The following SOX5 variants were observed in gnomAD, a reference collection of about 807,000 sequenced individuals.
SOX5 encodes SRY-box transcription factor 5.
SOX5 carries 9 observed loss-of-function variants against 92.0 expected under a neutral mutation model. The ratio of observed to expected loss-of-function variants is 0.10; its 90% CI spans 0.06 to 0.17. The LOEUF (loss-of-function observed/expected upper bound fraction) is 0.17. Ranked by LOEUF, SOX5 falls within the 10% of genes least tolerant of loss-of-function variation. The pLI, the probability that SOX5 is intolerant of heterozygous loss-of-function variation, is 1.00. For missense variants in SOX5, 642 were observed against 944.5 expected (o/e 0.68, Z 4.20); for synonymous variants, 344 against 336.3 (o/e 1.02, Z -0.25).
At chr12:24,270,295 G>A (rs1271636974) in intron 3 of SOX5, among the ~76,000 whole-genome samples, 10 of 151,976 alleles carry the variant, frequency 6.6e-5, no homozygotes, top group Admixed American at 3.9e-4. Context: ...TCCTGAGCTC[G>A]TGATCCACCT....
chr12:24,035,609 A>G (rs1955951327), intron 4 of SOX5, among the ~76,000 whole-genome samples: 2 of 152,142 alleles, frequency 1.3e-5, no homozygotes, highest in Admixed American at 1.3e-4. Context: ...CATAAAGAAA[A>G]TGCAATAAGC....
Position 23,820,211 on chromosome 12 carries a change from C to T in SOX5, c.481+25772G>A, listed in dbSNP as rs549340786. On this transcript the variant is annotated intron_variant, in intron 3 of 14. Coordinates refer to ENST00000451604, the MANE Select transcript of SOX5 (RefSeq NM_006940.6). ...ATGAGCTTTTTTTCATGTTTTTTGG[C>T]CGCATAAATGTCTTCTTTTGAGAAG... Among the ~76,000 whole-genome samples, 5 of 152,206 alleles carry T rather than the reference C, an allele frequency of 3.3e-5. No homozygotes were observed. In the East Asian group the frequency reaches 9.7e-4, roughly 29 times the overall value.
chr12:23,613,087 A>G (rs1477120384), intron 8 of SOX5, among the ~76,000 whole-genome samples: 3 of 152,156 alleles, frequency 2.0e-5, no homozygotes, highest in Non-Finnish European at 4.4e-5. Context: ...TTTCTTTTGC[A>G]TGTTCTTCAA....
At chr12:24,487,498 T>A (rs1272277536) in intron 1 of SOX5, among the ~76,000 whole-genome samples, 2 of 152,212 alleles carry the variant, frequency 1.3e-5, no homozygotes, top group African/African-American at 4.8e-5. Flanking sequence ...TTTATGGATA[T>A]TCATTGACAG....
In SOX5 at chr12:23,895,904, G is replaced by A. The variant is rs1198345218; in HGVS notation, c.159C>T (p.Pro53=). The A allele has an allele frequency of 1.2e-6, 2 of 1,613,932 alleles. No individual in the cohort carries two copies. The highest frequency in any genetic ancestry group is 4.5e-5 in the East Asian group (2 of 44,888). ...ESDGLPAFHL[P]LHVSFPNKPH... is the part of the protein sequence containing the mutation. ...GCTTGTTGGGAAAACTCACATGCAAGGGAAGGTGAAAGGCTGGGAGCCCGT... is the reference window on the plus strand; with the variant it reads ...GCTTGTTGGGAAAACTCACATGCAAAGGAAGGTGAAAGGCTGGGAGCCCGT... Residue 53 remains proline, a synonymous_variant, in exon 2 of 15, where the codon CCC becomes CCT. Coordinates refer to ENST00000451604, the MANE Select transcript of SOX5 (RefSeq NM_006940.6).
chr12:24,285,079 A>G (rs1945703247), intron 2 of SOX5, among the ~76,000 whole-genome samples: 1 of 152,096 alleles, frequency 6.6e-6, no homozygotes, highest in African/African-American at 2.4e-5. Context: ...GTGGCAGTGA[A>G]TGGAGATCAA....
At chr12:23,626,938 A>G (rs1341351041) in intron 8 of SOX5, among the ~76,000 whole-genome samples, 1 of 152,170 alleles carries the variant, frequency 6.6e-6, no homozygotes, top group Non-Finnish European at 1.5e-5. Flanking sequence ...CAAGCTTAGC[A>G]TTCCAATAAC....
chr12:24,379,234 ACT>A (rs1461318433), intron 1 of SOX5, among the ~76,000 whole-genome samples: 1 of 152,310 alleles, frequency 6.6e-6, no homozygotes, highest in Non-Finnish European at 1.5e-5. Flanking sequence ...TTTCAAGTTA[ACT>A]CTTAGTCATG....
At chr12:24,391,981 CCCA>C (rs1236968782) in intron 1 of SOX5, among the ~76,000 whole-genome samples, 11 of 152,278 alleles carry the variant, frequency 7.2e-5, no homozygotes, top group African/African-American at 2.6e-4. Context: ...TCTTTCCTCT[CCCA>C]ATGAGTATGA....
chr12:24,433,920 G>A (rs900374841), intron 1 of SOX5, among the ~76,000 whole-genome samples: 1 of 152,174 alleles, frequency 6.6e-6, no homozygotes, highest in Non-Finnish European at 1.5e-5. Flanking sequence ...AATAGCAAGA[G>A]AGCTAGGCTT....
chr12:23,572,912 G>T (rs1432153958), intron 10 of SOX5, among the ~76,000 whole-genome samples: 2 of 152,132 alleles, frequency 1.3e-5, no homozygotes, highest in Non-Finnish European at 2.9e-5. Flanking sequence ...CCACTGCCCA[G>T]ACTGAATTCC....
At chr12:23,583,301 C>T (rs1950287033) in intron 9 of SOX5, among the ~76,000 whole-genome samples, 1 of 151,960 alleles carries the variant, frequency 6.6e-6, no homozygotes, top group African/African-American at 2.4e-5. Flanking sequence ...TGTATAAATA[C>T]AGTTTCCATA....
chr12:24,356,935 A>T (rs138072112), intron 2 of SOX5, among the ~76,000 whole-genome samples: 10 of 152,350 alleles, frequency 6.6e-5, no homozygotes, highest in Admixed American at 3.3e-4. Flanking sequence ...GATACTGACC[A>T]TCCCAAACAT....
rs79426532 is a variant in SOX5, at chr12:24,326,690, C to T, written c.-174+41873G>A. ...TGCCCTCACCTTTTTCAGGTGGCAT[C>T]CTAAATTTCACTTACTTTCTCAGCA... On this transcript the variant is annotated intron_variant, in intron 2 of 4. Coordinates refer to the SOX5 transcript ENST00000446891. Among the ~76,000 whole-genome samples the T allele has an allele frequency of 8.7e-3, 1,325 of 151,986 alleles. 15 individuals are homozygous for T. Among genetic ancestry groups the T allele is most frequent in the African/African-American group, 0.031 (1,265 of 41,448 alleles).
chr12:23,779,216 A>C (rs2095203121), intron 3 of SOX5, among the ~76,000 whole-genome samples: 1 of 152,060 alleles, frequency 6.6e-6, no homozygotes, highest in African/African-American at 2.4e-5. Flanking sequence ...TGCTATTTTG[A>C]GAAATGTTTA....
chr12:24,103,225 G>C (rs1308815500), intron 4 of SOX5, among the ~76,000 whole-genome samples: 1 of 152,122 alleles, frequency 6.6e-6, no homozygotes, highest in Non-Finnish European at 1.5e-5. Context: ...GTAAATTGTG[G>C]ATATTATCTG....
intron 1 of SOX5, among the ~76,000 whole-genome samples, chr12:24,383,785 G>A (rs529035745): frequency 6.6e-6 from 1 of 152,254 alleles, no homozygotes; most frequent in African/African-American, 2.4e-5. Flanking sequence ...GGCTTGGGGA[G>A]TGGTTTCAGG....
At chr12:24,129,556 GA>G (rs1425482680) in intron 4 of SOX5, among the ~76,000 whole-genome samples, 2 of 152,144 alleles carry the variant, frequency 1.3e-5, no homozygotes, top group Non-Finnish European at 2.9e-5. Context: ...GTCTTCTCTG[GA>G]TATTTTTTAA....
chr12:24,332,380 T>C (rs1951426963), intron 2 of SOX5, among the ~76,000 whole-genome samples: 1 of 152,060 alleles, frequency 6.6e-6, no homozygotes, highest in South Asian at 2.1e-4. Flanking sequence ...AAATCAGCTG[T>C]GAGGGAAAAG....
Sources: gnomAD v4.1 joint callset for allele counts (sites outside exome capture counted in the v4.1 genomes callset) on GRCh38, gnomAD v4.1.1 for gene constraint, MANE v1.5 for transcripts, NCBI Gene and HGNC (gene_info 2026-07-23, HGNC 2026-07-21) for gene names.